The following NPAS3 variants were observed in gnomAD, a reference collection of about 807,000 sequenced individuals.
The protein encoded by NPAS3 is neuronal PAS domain-containing protein 3.
Under a neutral mutation model 73.1 loss-of-function variants are expected in NPAS3, and 14 were observed. The observed-to-expected ratio is 0.19, with a 90% CI of 0.13 to 0.30. NPAS3 has a LOEUF of 0.30. NPAS3 is among the 10% of genes least tolerant of loss of function. NPAS3 has a pLI of 1.00. For missense variants in NPAS3, 1,096 were observed against 1,250.0 expected (o/e 0.88, Z 1.86); for synonymous variants, 620 against 541.5 (o/e 1.14, Z -2.01).
chr14:33,749,551 A>G (rs1248644569), intron 7 of NPAS3, among the ~76,000 whole-genome samples: 2 of 152,214 alleles, frequency 1.3e-5, no homozygotes, highest in Non-Finnish European at 2.9e-5. Flanking sequence ...ATGAATTACT[A>G]TCTTCTCTAT....
rs2057448115 is a variant in NPAS3 at position 33,603,009 on chromosome 14, G to T, written c.558+42799G>T. Among the ~76,000 whole-genome samples the T allele has an allele frequency of 2.6e-5, 4 of 152,096 alleles. No homozygotes were observed. In the South Asian group the frequency reaches 8.3e-4, roughly 32 times the overall value. Reference sequence around the variant, plus strand: ...ACTTCCAATCATACGTACCAGATGTGGAAAGGAGCAGGAATATATAGGCTA... The same window carrying T: ...ACTTCCAATCATACGTACCAGATGTTGAAAGGAGCAGGAATATATAGGCTA... On this transcript the variant is annotated intron_variant, in intron 5 of 11. Transcript: ENST00000356141.
chr14:32,989,966 T>C (rs978568368), intron 1 of NPAS3, among the ~76,000 whole-genome samples: 8 of 150,900 alleles, frequency 5.3e-5, no homozygotes, highest in Admixed American at 2.0e-4. Context: ...TGATAAATTA[T>C]AGGAGGCAAA....
At chr14:33,310,804 C>CAT in intron 3 of NPAS3, among the ~76,000 whole-genome samples, 2 of 140,364 alleles carry the variant, frequency 1.4e-5, no homozygotes, top group South Asian at 5.1e-4. Context: ...CACACACACA[C>CAT]ACACACACAC....
chr14:33,301,232 G>T (rs1273155448), intron 3 of NPAS3, among the ~76,000 whole-genome samples: 1 of 149,052 alleles, frequency 6.7e-6, no homozygotes, highest in Non-Finnish European at 1.5e-5. Context: ...CCCTGACGCT[G>T]CCTGAGCTTC....
intron 4 of NPAS3, among the ~76,000 whole-genome samples, chr14:33,379,535 G>T (rs554000652): frequency 4.6e-5 from 7 of 152,072 alleles, no homozygotes; most frequent in Non-Finnish European, 8.8e-5. Flanking sequence ...TTTTGTTACC[G>T]GCATCAGCTA....
chr14:33,578,509 T>G lies in NPAS3; in HGVS notation c.558+18299T>G, dbSNP rs544309704. On this transcript the variant is annotated intron_variant, in intron 5 of 11. Coordinates refer to ENST00000356141, the Ensembl canonical transcript of NPAS3. The stretch of plus-strand genomic sequence containing the variant: ...GCACCCAGCCCCAACACCCGTCTTT[T>G]GCACACTCAGGGGTTTGGCCAGTGG... 8.1e-4 allele frequency among the ~76,000 whole-genome samples: 124 copies of G among 152,308 alleles called. 2 individuals carry two copies. Among genetic ancestry groups the G allele is most frequent in the Middle Eastern group, 6.8e-3 (2 of 294 alleles).
At chr14:33,680,492 G>C in intron 6 of NPAS3, 1 of 665,462 alleles carries the variant, frequency 1.5e-6, no homozygotes, top group Non-Finnish European at 2.7e-6. Flanking sequence ...TATGTGTTTG[G>C]TGGGGTTTTT....
At chr14:33,342,747 G>C (rs1408290387) in intron 3 of NPAS3, among the ~76,000 whole-genome samples, 1 of 152,004 alleles carries the variant, frequency 6.6e-6, no homozygotes, top group Non-Finnish European at 1.5e-5. Context: ...ATTGCCCCCT[G>C]CTGCTCACTA....
intron 4 of NPAS3, among the ~76,000 whole-genome samples, chr14:33,546,896 C>A (rs911383848): frequency 1.3e-5 from 2 of 152,060 alleles, no homozygotes; most frequent in Non-Finnish European, 2.9e-5. Flanking sequence ...ATTAGGCCTG[C>A]CTTGTGGGTC....
At chr14:32,978,451 C>T (rs1358650757) in intron 1 of NPAS3, among the ~76,000 whole-genome samples, 1 of 152,076 alleles carries the variant, frequency 6.6e-6, no homozygotes, top group East Asian at 1.9e-4. Context: ...GTAGTACTGG[C>T]TGGGAACTTC....
At chr14:33,310,267 A>G (rs975712694) in intron 3 of NPAS3, among the ~76,000 whole-genome samples, 5 of 152,022 alleles carry the variant, frequency 3.3e-5, no homozygotes, top group African/African-American at 1.2e-4. Flanking sequence ...TCTCTTTCTC[A>G]GCTAGTAGCC....
At chr14:33,774,238 T>C (rs1167519162) in intron 7 of NPAS3, 99 bp from the exon 8 acceptor site, 1 of 851,850 alleles carries the variant, frequency 1.2e-6, no homozygotes, top group Non-Finnish European at 1.9e-6. Flanking sequence ...CAAGCTAATG[T>C]TGGTTGTTCC....
chr14:33,453,459 A>G (rs1175353661), intron 4 of NPAS3, among the ~76,000 whole-genome samples: 2 of 152,132 alleles, frequency 1.3e-5, no homozygotes, highest in Non-Finnish European at 2.9e-5. Flanking sequence ...TGTCCTTCCC[A>G]ATATTTCCTA....
intron 3 of NPAS3, among the ~76,000 whole-genome samples, chr14:33,262,277 T>C (rs2049001445): frequency 6.6e-6 from 1 of 152,188 alleles, no homozygotes; most frequent in African/African-American, 2.4e-5. Flanking sequence ...GTCTCATAGT[T>C]AAATTTTAAA....
At chr14:33,786,283 C>T (rs2063171583) in intron 9 of NPAS3, among the ~76,000 whole-genome samples, 1 of 152,314 alleles carries the variant, frequency 6.6e-6, no homozygotes, top group African/African-American at 2.4e-5. Flanking sequence ...TAAAAATCTA[C>T]ATAACAGATG....
chr14:33,691,121 A>G (rs935322562), intron 6 of NPAS3, among the ~76,000 whole-genome samples: 6 of 152,246 alleles, frequency 3.9e-5, no homozygotes, highest in African/African-American at 9.6e-5. Context: ...AAACAATCAG[A>G]CAGTTGTCAA....
intron 6 of NPAS3, among the ~76,000 whole-genome samples, chr14:33,707,271 T>G (rs1030911713): frequency 6.6e-6 from 1 of 152,086 alleles, no homozygotes; most frequent in Non-Finnish European, 1.5e-5. Context: ...ACTGGTGGAG[T>G]GAGGACTTGA....
At chr14:33,693,548 G>A (rs1298588912) in intron 6 of NPAS3, among the ~76,000 whole-genome samples, 6 of 152,086 alleles carry the variant, frequency 3.9e-5, no homozygotes, top group Non-Finnish European at 5.9e-5. Context: ...ATTGTACTAG[G>A]AGTTGACCAG....
chr14:33,098,053 A>G (rs143692923), intron 2 of NPAS3, among the ~76,000 whole-genome samples: 1 of 152,268 alleles, frequency 6.6e-6, no homozygotes, highest in Non-Finnish European at 1.5e-5. Flanking sequence ...TTTGTGTCCT[A>G]TTTAAGAAGT....
Sources: gnomAD v4.1 joint callset for allele counts (sites outside exome capture counted in the v4.1 genomes callset) on GRCh38, gnomAD v4.1.1 for gene constraint, MANE v1.5 for transcripts, NCBI Gene and HGNC (gene_info 2026-07-23, HGNC 2026-07-21) for gene names.